Variants in INIP observed in about 807,000 individuals in gnomAD.
The protein encoded by INIP is INTS3 and NABP interacting protein.
Under a neutral mutation model 14.0 loss-of-function variants are expected in INIP, and 9 were observed. The ratio of observed to expected loss-of-function variants is 0.64; its 90% CI spans 0.39 to 1.12. The LOEUF (loss-of-function observed/expected upper bound fraction) is 1.12, where lower values mean the gene tolerates loss of function less well. Among genes scored for constraint, INIP ranks in the 50% most tolerant of loss-of-function variants. The probability of loss-of-function intolerance (pLI) is 0.01; values close to 1 mark genes in which losing one functional copy is unlikely to be tolerated. For missense variants in INIP, 78 were observed against 122.7 expected, an observed-to-expected ratio of 0.64 and a Z score of 1.72; for synonymous variants, 37 against 41.5, an observed-to-expected ratio of 0.89 and a Z score of 0.41.
chr9:112,703,483 C>G (rs1838360617), intron 2 of INIP, among the ~76,000 whole-genome samples: 1 of 152,118 alleles, frequency 6.6e-6, no homozygotes, highest in African/African-American at 2.4e-5. Flanking sequence ...CTTTCGGAGG[C>G]TGAAGTGGGA....
At chr9:112,697,363 T>C (rs1467699640) in intron 2 of INIP, among the ~76,000 whole-genome samples, 1 of 152,240 alleles carries the variant, frequency 6.6e-6, no homozygotes, top group African/African-American at 2.4e-5. Context: ...AAATACTTAC[T>C]AGGTTGTTTG....
intron 4 of INIP, among the ~76,000 whole-genome samples, chr9:112,689,126 TA>T (rs892462735): frequency 2.0e-4 from 30 of 146,934 alleles, no homozygotes; most frequent in East Asian, 5.9e-4. Context: ...GCTGAGCATT[TA>T]AAAAAAAAAA....
At chr9:112,715,133 T>TACACACACACACACACACACACACACAC (rs58647648) in intron 2 of INIP, among the ~76,000 whole-genome samples, 2 of 133,434 alleles carry the variant, frequency 1.5e-5, no homozygotes, top group Non-Finnish European at 3.2e-5. Flanking sequence ...CATACATACA[T>TACACACACACACACACACACACACACAC]ACACACACAC....
intron 2 of INIP, among the ~76,000 whole-genome samples, chr9:112,708,867 G>C (rs2131310592): frequency 6.6e-6 from 1 of 151,116 alleles, no homozygotes; most frequent in East Asian, 1.9e-4. Context: ...TTCAAAGACA[G>C]GGTCTCTAAA....
intron 3 of INIP, among the ~76,000 whole-genome samples, chr9:112,691,566 G>C (rs1837884546): frequency 6.6e-6 from 1 of 152,212 alleles, no homozygotes; most frequent in South Asian, 2.1e-4. Flanking sequence ...GTGAAAACAG[G>C]CAGGCTAGGA....
intron 4 of INIP, 86 bp from the exon 5 acceptor site, chr9:112,687,719 G>T: frequency 1.6e-6 from 1 of 636,716 alleles, no homozygotes. Flanking sequence ...TACTCTTTCT[G>T]AATGCTTGAG....
At chr9:112,709,037 C>G (rs1838568539) in intron 2 of INIP, among the ~76,000 whole-genome samples, 1 of 152,078 alleles carries the variant, frequency 6.6e-6, no homozygotes. Context: ...GCCCTAATGT[C>G]TGCTCAGGTG....
chr9:112,691,491 G>A (rs1371217169), intron 3 of INIP, among the ~76,000 whole-genome samples: 1 of 152,168 alleles, frequency 6.6e-6, no homozygotes, highest in African/African-American at 2.4e-5. Context: ...GGACAGACTA[G>A]AGCTGCAAAT....
chr9:112,688,880 T>C (rs1837779049), intron 4 of INIP, among the ~76,000 whole-genome samples: 1 of 152,058 alleles, frequency 6.6e-6, no homozygotes, highest in African/African-American at 2.4e-5. Context: ...TAAAGTGAGA[T>C]GGTCATAATG....
intron 2 of INIP, among the ~76,000 whole-genome samples, chr9:112,697,788 A>G (rs1434354682): frequency 6.6e-6 from 1 of 152,206 alleles, no homozygotes; most frequent in African/African-American, 2.4e-5. Flanking sequence ...GGAAAGTAAG[A>G]AGGTATTCTT....
intron 2 of INIP, among the ~76,000 whole-genome samples, chr9:112,711,690 G>T (rs546690854): frequency 6.6e-6 from 1 of 152,280 alleles, no homozygotes; most frequent in South Asian, 2.1e-4. Context: ...GTGGACCTAT[G>T]ATTAGTCCAC....
intron 3 of INIP, among the ~76,000 whole-genome samples, chr9:112,690,273 T>C (rs1163038739): frequency 1.3e-5 from 2 of 152,012 alleles, no homozygotes; most frequent in African/African-American, 4.8e-5. Flanking sequence ...GGAGGATCAT[T>C]TGAGCCCAGG....
chr9:112,710,479 T>C (rs913634082), intron 2 of INIP, among the ~76,000 whole-genome samples: 1 of 152,218 alleles, frequency 6.6e-6, no homozygotes, highest in African/African-American at 2.4e-5. Context: ...TTTTGGTACC[T>C]TGTCCAAACC....
intron 3 of INIP, among the ~76,000 whole-genome samples, chr9:112,691,086 T>C (rs1480913361): frequency 6.6e-6 from 1 of 152,192 alleles, no homozygotes; most frequent in Non-Finnish European, 1.5e-5. Flanking sequence ...ATGACACAAC[T>C]GATGAATGTA....
chr9:112,701,900 AT>A (rs1235662019), intron 2 of INIP: 72 of 151,116 alleles, frequency 4.8e-4, no homozygotes, highest in Admixed American at 1.8e-3. Flanking sequence ...AAAAAAAAAA[AT>A]TTTTTTAATT....
chr9:112,688,438 G>A (rs1183364461), intron 4 of INIP, among the ~76,000 whole-genome samples: 1 of 148,914 alleles, frequency 6.7e-6, no homozygotes, highest in African/African-American at 2.5e-5. Context: ...ATTTGGTAGA[G>A]AACGTTGGAA....
At chr9:112,703,208 A>T (rs1838354022) in intron 2 of INIP, among the ~76,000 whole-genome samples, 1 of 152,220 alleles carries the variant, frequency 6.6e-6, no homozygotes, top group Non-Finnish European at 1.5e-5. Context: ...ATATGCCAAT[A>T]TGATAGTGTT....
At chr9:112,701,272 C>T (rs1043099305) in intron 2 of INIP, among the ~76,000 whole-genome samples, 3 of 152,164 alleles carry the variant, frequency 2.0e-5, no homozygotes, top group African/African-American at 7.2e-5. Flanking sequence ...CGTGCCACTG[C>T]ACTCCAGCCT....
chr9:112,694,481 A>G (rs1377165476), intron 2 of INIP, among the ~76,000 whole-genome samples: 1 of 152,218 alleles, frequency 6.6e-6, no homozygotes, highest in Non-Finnish European at 1.5e-5. Context: ...TATTATATTT[A>G]AAGTGTAGCT....
Sources: allele counts gnomAD v4.1 joint callset (sites outside exome capture counted in the v4.1 genomes callset), GRCh38; gene constraint gnomAD v4.1.1; transcripts MANE v1.5; gene names NCBI Gene and HGNC (gene_info 2026-07-23, HGNC 2026-07-21).